The following CDH8 variants were observed in gnomAD, a reference collection of about 807,000 sequenced individuals.
CDH8 encodes cadherin-8.
In CDH8, 17 loss-of-function variants were observed where a neutral mutation model predicts 68.1. The observed-to-expected ratio is 0.25, with a 90% CI of 0.17 to 0.37. CDH8 has a LOEUF of 0.37. Among genes scored for constraint, CDH8 ranks in the 10% least tolerant of loss-of-function variants. The pLI is 1.00. For missense variants in CDH8, 763 were observed against 999.3 expected (o/e 0.76, Z 3.19); for synonymous variants, 372 against 365.1 (o/e 1.02, Z -0.21).
intron 2 of CDH8, among the ~76,000 whole-genome samples, chr16:61,919,248 A>G (rs1040794371): frequency 6.8e-6 from 1 of 147,932 alleles, no homozygotes; most frequent in African/African-American, 2.5e-5. Flanking sequence ...AACTCTAAAA[A>G]GCAGAGCGCC....
rs753977513 is a variant in CDH8 at position 61,884,511 on chromosome 16, C to T, written c.547+16668G>A. Among the ~76,000 whole-genome samples the T allele has an allele frequency of 6.5e-4, 98 of 151,566 alleles. 2 individuals are homozygous for T. The Middle Eastern group carries it at 0.02, about 32-fold the overall frequency. On this transcript the variant is annotated intron_variant, in intron 3 of 11. Transcript: ENST00000577390. Reference sequence around the variant, plus strand: ...GCCTCAGCCTCCCAAGTAGCTGGGACGACAGCTCTGTGCCACCACACCCGG... The same window carrying T: ...GCCTCAGCCTCCCAAGTAGCTGGGATGACAGCTCTGTGCCACCACACCCGG...
chr16:61,945,335 C>T (rs762932520), intron 2 of CDH8, among the ~76,000 whole-genome samples: 9 of 150,638 alleles, frequency 6.0e-5, no homozygotes, highest in Admixed American at 2.0e-4. Flanking sequence ...TCTTAAAAAA[C>T]GGTTATTACT....
rs528920299 is a variant in CDH8, at chr16:61,790,198, G to A, written c.1278-716C>T. On this transcript the variant is annotated intron_variant, in intron 7 of 11. Coordinates refer to ENST00000577390, the MANE Select transcript of CDH8 (RefSeq NM_001796.5). ...GACATATTAGTAGTTCTTTTATCAA[G>A]CAAACTCGTTCAGATAAGAAAATAC... Among the ~76,000 whole-genome samples, 56 of 152,056 alleles carry A rather than the reference G, an allele frequency of 3.7e-4. 4 individuals carry two copies. The South Asian group carries it at 0.012, about 32-fold the overall frequency.
intron 2 of CDH8, among the ~76,000 whole-genome samples, chr16:61,981,813 A>C (rs1372738488): frequency 3.9e-5 from 6 of 152,196 alleles, no homozygotes; most frequent in Non-Finnish European, 8.8e-5. Context: ...AGATTATACA[A>C]TAATTTGCAA....
At position 61,652,126 on chromosome 16, in the gene CDH8, C is replaced by A. The variant is rs1343313912; in HGVS notation, c.*1482G>T. 57 of 970,202 alleles carry A rather than the reference C, an allele frequency of 5.9e-5. No individual in the cohort carries two copies. The highest frequency in any genetic ancestry group is 6.6e-5 in the Non-Finnish European group (54 of 816,250). The allele number at this position is 970,202 out of a possible 1,614,324, so 60.1% of individuals were successfully genotyped here. On this transcript the variant is annotated 3_prime_UTR_variant, in exon 12 of 12. Transcript: ENST00000577390. ...AAGCAAAGTAGAAAATTAAAATGATCTGCATGTAATACTTGAGTTTTATCA... is the reference window on the plus strand; with the variant it reads ...AAGCAAAGTAGAAAATTAAAATGATATGCATGTAATACTTGAGTTTTATCA...
intron 3 of CDH8, among the ~76,000 whole-genome samples, chr16:61,891,894 A>G (rs1208376060): frequency 2.6e-5 from 4 of 152,172 alleles, no homozygotes; most frequent in Non-Finnish European, 4.4e-5. Flanking sequence ...TTAAAAATAG[A>G]GAAGTGCTGC....
intron 10 of CDH8, among the ~76,000 whole-genome samples, chr16:61,670,122 G>C (rs965502258): frequency 6.6e-5 from 10 of 151,848 alleles, no homozygotes; most frequent in Non-Finnish European, 1.3e-4. Context: ...CTATCTTTGT[G>C]ATTCTATGAT....
intron 2 of CDH8, among the ~76,000 whole-genome samples, chr16:61,981,648 A>ATGTGTGTGTG (rs750036103): frequency 3.5e-4 from 52 of 146,828 alleles, no homozygotes; most frequent in East Asian, 1.0e-3. Context: ...CTTGAAAAGA[A>ATGTGTGTGTG]TGTGTGTGTG....
chr16:61,725,352 C>G (rs188230399), intron 9 of CDH8: 1 of 150,832 alleles, frequency 6.6e-6, no homozygotes, highest in Non-Finnish European at 1.5e-5. Flanking sequence ...ATCCAAGAAA[C>G]ATGCTTGTCA....
At chr16:61,979,182 A>G (rs1425480020) in intron 2 of CDH8, among the ~76,000 whole-genome samples, 3 of 152,158 alleles carry the variant, frequency 2.0e-5, no homozygotes. Context: ...CTGACAATGC[A>G]CATTTCAGAT....
At chr16:61,998,530 A>G (rs1965843837) in intron 2 of CDH8, among the ~76,000 whole-genome samples, 1 of 152,154 alleles carries the variant, frequency 6.6e-6, no homozygotes, top group African/African-American at 2.4e-5. Context: ...CCTTGATTCA[A>G]GACACAGAGA....
At chr16:61,676,969 AC>A (rs1963925041) in intron 10 of CDH8, among the ~76,000 whole-genome samples, 1 of 152,004 alleles carries the variant, frequency 6.6e-6, no homozygotes, top group Non-Finnish European at 1.5e-5. Context: ...CATTTGTCAA[AC>A]TTTTGGAACT....
chr16:61,718,374 T>C (rs1328406293), intron 9 of CDH8, among the ~76,000 whole-genome samples: 2 of 151,458 alleles, frequency 1.3e-5, no homozygotes, highest in African/African-American at 2.4e-5. Context: ...CTAGAATATA[T>C]GTCTATCTCT....
intron 4 of CDH8, among the ~76,000 whole-genome samples, chr16:61,852,889 C>T (rs201213239): frequency 2.7e-3 from 359 of 131,452 alleles, no homozygotes; most frequent in South Asian, 4.1e-3. Context: ...TTCCTTCCTT[C>T]CTTCCATTCT....
chr16:61,814,409 G>A (rs1269806960), intron 7 of CDH8, among the ~76,000 whole-genome samples: 1 of 152,070 alleles, frequency 6.6e-6, no homozygotes, highest in African/African-American at 2.4e-5. Context: ...CCCCCGTAAA[G>A]GAATATACAG....
In CDH8 at chr16:61,724,790, T is replaced by C. The variant is rs192656536; in HGVS notation, c.1536+2304A>G. Reference sequence around the variant, plus strand: ...TAGTGAGTCAGTCATTTGTGTGGTATTATGAGAGACGATTGAAAGTATATC... The same window carrying C: ...TAGTGAGTCAGTCATTTGTGTGGTACTATGAGAGACGATTGAAAGTATATC... On this transcript the variant is annotated intron_variant, in intron 9 of 11. Transcript: ENST00000577390. Among the ~76,000 whole-genome samples, 4 of 151,072 alleles carry C rather than the reference T, an allele frequency of 2.6e-5. No individual in the cohort carries two copies. The Admixed American group carries it at 2.7e-4, about 10-fold the overall frequency.
chr16:61,869,363 C>G (rs1429775717), intron 3 of CDH8, among the ~76,000 whole-genome samples: 1 of 152,072 alleles, frequency 6.6e-6, no homozygotes, highest in African/African-American at 2.4e-5. Flanking sequence ...AGAAGATTGA[C>G]CCTGAGACCT....
intron 8 of CDH8, 91 bp downstream of exon 8, chr16:61,789,255 T>G: frequency 8.3e-7 from 1 of 1,205,994 alleles, no homozygotes; most frequent in Non-Finnish European, 1.2e-6. Context: ...TCAAGGTACC[T>G]AACAGAAACA....
intron 2 of CDH8, among the ~76,000 whole-genome samples, chr16:62,002,244 G>C (rs1965905101): frequency 6.6e-6 from 1 of 152,072 alleles, no homozygotes; most frequent in Non-Finnish European, 1.5e-5. Flanking sequence ...TTTCTAAACT[G>C]TGTGTGTGTA....
Sources: gnomAD v4.1 joint callset for allele counts (sites outside exome capture counted in the v4.1 genomes callset) on GRCh38, gnomAD v4.1.1 for gene constraint, MANE v1.5 for transcripts, NCBI Gene and HGNC (gene_info 2026-07-23, HGNC 2026-07-21) for gene names.